The following DNAAF4 variants were observed in gnomAD, a reference collection of about 807,000 sequenced individuals.
The protein encoded by DNAAF4 is dynein axonemal assembly factor 4, also known as dynein assembly factor 4, axonemal.
In DNAAF4, 43 loss-of-function variants were observed where a neutral mutation model predicts 51.8. That is an observed-to-expected ratio of 0.83 (90% CI 0.65 to 1.07). The LOEUF (loss-of-function observed/expected upper bound fraction) is 1.07. Among genes scored for constraint, DNAAF4 ranks in the 50% least tolerant of loss-of-function variants. The pLI is 0.00. For synonymous variants in DNAAF4, 194 were observed against 165.6 expected, an observed-to-expected ratio of 1.17 and a Z score of -1.32; for missense variants, 581 against 493.0, an observed-to-expected ratio of 1.18 and a Z score of -1.69.
chr15:55,441,022 T>C (rs1287133321), intron 6 of DNAAF4, among the ~76,000 whole-genome samples: 1 of 151,158 alleles, frequency 6.6e-6, no homozygotes, highest in Non-Finnish European at 1.5e-5. Context: ...GGAAATACAA[T>C]AGATAAAATT....
At chr15:55,418,872 G>GT (rs1203989988) in intron 7 of DNAAF4, 1 of 173,842 alleles carries the variant, frequency 5.8e-6, no homozygotes, top group African/African-American at 2.4e-5. Context: ...CACAGGAGCT[G>GT]TAAGGAAAAA....
At chr15:55,472,448 T>C (rs184785149) in intron 4 of DNAAF4, among the ~76,000 whole-genome samples, 1 of 152,028 alleles carries the variant, frequency 6.6e-6, no homozygotes, top group Admixed American at 6.6e-5. Context: ...TGAAACCCCA[T>C]CTATACTAAT....
chr15:55,466,243 C>T (rs1362515865), intron 5 of DNAAF4, among the ~76,000 whole-genome samples: 1 of 152,034 alleles, frequency 6.6e-6, no homozygotes, highest in Non-Finnish European at 1.5e-5. Flanking sequence ...GGCAACATGG[C>T]AAAACCTCGT....
intron 8 of DNAAF4, among the ~76,000 whole-genome samples, chr15:55,434,659 C>G (rs1263601036): frequency 6.6e-6 from 1 of 151,874 alleles, no homozygotes; most frequent in Admixed American, 6.6e-5. Flanking sequence ...ATAGCGAGAC[C>G]CACTGCGCCC....
At chr15:55,433,986 A>ATTCTT (rs1567000754) in intron 8 of DNAAF4, among the ~76,000 whole-genome samples, 14 of 55,028 alleles carry the variant, frequency 2.5e-4, no homozygotes, top group Admixed American at 1.5e-3. Context: ...TATTATATAT[A>ATTCTT]ATATATATAA....
Position 55,439,523 on chromosome 15 carries a change from C to G in DNAAF4, c.842G>C (p.Cys281Ser). 1 of 1,614,098 alleles carries G rather than the reference C, an allele frequency of 6.2e-7. No homozygotes were observed. The highest frequency in any genetic ancestry group is 1.1e-5 in the South Asian group (1 of 91,082). Reference protein sequence around the residue: ...RAMNTDIAELCDLKEEEKNPE... With the variant: ...RAMNTDIAELSDLKEEEKNPE... ...GTTCTTTTCTTCTTCTTTTAAATCG[C>G]AAAGTTCAGCTATGTCAGTATTCAT... Residue 281 changes from cysteine to serine, a missense_variant, in exon 7 of 10, where the codon TGC (cysteine) becomes TCC (serine). Cys to Ser is a moderately radical substitution (Grantham distance 112, BLOSUM62 -1). Transcript: ENST00000321149.
chr15:55,500,947 G>A (rs1396796090), intron 1 of DNAAF4, among the ~76,000 whole-genome samples: 4 of 144,560 alleles, frequency 2.8e-5, no homozygotes, highest in African/African-American at 1.0e-4. Context: ...AGCTGAGAGC[G>A]TGCCATTGCA....
chr15:55,453,506 A>C (rs926292990), intron 5 of DNAAF4, among the ~76,000 whole-genome samples: 4 of 151,460 alleles, frequency 2.6e-5, no homozygotes, highest in Non-Finnish European at 5.9e-5. Context: ...AAAACTAAGA[A>C]GCTAGTGACA....
chr15:55,441,318 C>A (rs1020607825), intron 6 of DNAAF4, among the ~76,000 whole-genome samples: 8 of 152,110 alleles, frequency 5.3e-5, no homozygotes, highest in Non-Finnish European at 1.0e-4. Flanking sequence ...GATCTGCCCA[C>A]CTCGGCCTCC....
At chr15:55,444,140 T>C (rs952323610) in intron 6 of DNAAF4, among the ~76,000 whole-genome samples, 9 of 152,314 alleles carry the variant, frequency 5.9e-5, no homozygotes, top group Non-Finnish European at 7.3e-5. Context: ...CTGAATGGTA[T>C]TGTCTAGGTT....
At chr15:55,466,781 G>C in intron 5 of DNAAF4, 149 bp downstream of exon 5, 1 of 875,044 alleles carries the variant, frequency 1.1e-6, no homozygotes, top group Non-Finnish European at 1.7e-6. Flanking sequence ...AAGAAGAAAT[G>C]TCTTTACTTT....
intron 5 of DNAAF4, among the ~76,000 whole-genome samples, chr15:55,451,849 G>A (rs1420328432): frequency 6.6e-6 from 1 of 151,926 alleles, no homozygotes; most frequent in Non-Finnish European, 1.5e-5. Context: ...TTGAACTCCT[G>A]GGCTCAAGCA....
At position 55,444,143 on chromosome 15, in the gene DNAAF4, T is replaced by C. The variant is rs568209025; in HGVS notation, c.784-4562A>G. On this transcript the variant is annotated intron_variant, in intron 6 of 9. Transcript: ENST00000321149. ...CATGCCTATGTCCTGAATGGTATTGTCTAGGTTTTCTTCTAGGGTTTTTAT... is the reference window on the plus strand; with the variant it reads ...CATGCCTATGTCCTGAATGGTATTGCCTAGGTTTTCTTCTAGGGTTTTTAT... 1.3e-3 allele frequency among the ~76,000 whole-genome samples: 198 copies of C among 152,150 alleles called. 1 individual carries two copies. Among genetic ancestry groups the C allele is most frequent in the African/African-American group, 4.6e-3 (189 of 41,526 alleles).
intron 6 of DNAAF4, among the ~76,000 whole-genome samples, chr15:55,448,043 G>A (rs2057866527): frequency 1.3e-5 from 2 of 152,124 alleles, no homozygotes; most frequent in South Asian, 2.1e-4. Flanking sequence ...TATTGGCTGT[G>A]GGTTTGTCAT....
At chr15:55,477,062 C>T (rs1291513972) in intron 4 of DNAAF4, among the ~76,000 whole-genome samples, 1 of 152,076 alleles carries the variant, frequency 6.6e-6, no homozygotes, top group Non-Finnish European at 1.5e-5. Context: ...ATCCCAGCTA[C>T]TCAGGAGGCT....
intron 9 of DNAAF4, among the ~76,000 whole-genome samples, chr15:55,432,229 G>A (rs548034647): frequency 1.2e-3 from 190 of 152,232 alleles, no homozygotes; most frequent in African/African-American, 4.4e-3. Context: ...GGGATTACAG[G>A]CATGAGCATC....
downstream of DNAAF4, among the ~76,000 whole-genome samples, chr15:55,427,958 G>A (rs538460798): frequency 6.0e-5 from 9 of 151,144 alleles, no homozygotes; most frequent in South Asian, 4.2e-4. Context: ...CTTCTAAACC[G>A]TAATTTTTTT....
intron 5 of DNAAF4, among the ~76,000 whole-genome samples, chr15:55,454,772 A>G (rs1156613233): frequency 5.3e-5 from 8 of 152,208 alleles, no homozygotes; most frequent in African/African-American, 7.2e-5. Flanking sequence ...GCTCCAAGTT[A>G]TGATATTATG....
At chr15:55,484,804 C>T (rs2058464383) in intron 4 of DNAAF4, among the ~76,000 whole-genome samples, 3 of 152,070 alleles carry the variant, frequency 2.0e-5, no homozygotes, top group Admixed American at 2.0e-4. Flanking sequence ...ACACCCAGCA[C>T]GAGCAAAAGA....
Sources: allele counts gnomAD v4.1 joint callset (sites outside exome capture counted in the v4.1 genomes callset), GRCh38; gene constraint gnomAD v4.1.1; transcripts MANE v1.5; gene names NCBI Gene and HGNC (gene_info 2026-07-23, HGNC 2026-07-21).